The following ASAP1 variants were observed in gnomAD, a reference collection of about 807,000 sequenced individuals.
The protein encoded by ASAP1 is arf-GAP with SH3 domain, ANK repeat and PH domain-containing protein 1.
ASAP1 carries 43 observed loss-of-function variants against 145.2 expected under a neutral mutation model. That is an observed-to-expected ratio of 0.30 (90% CI 0.23 to 0.38). The LOEUF (loss-of-function observed/expected upper bound fraction) is 0.38. Among genes scored for constraint, ASAP1 ranks in the 10% least tolerant of loss-of-function variants. The pLI is 1.00. For synonymous variants in ASAP1, 546 were observed against 515.5 expected (o/e 1.06, Z -0.80); for missense variants, 1,018 against 1,355.3 (o/e 0.75, Z 3.91).
chr8:130,266,784 A>T (rs1000321125), intron 3 of ASAP1, among the ~76,000 whole-genome samples: 2 of 152,180 alleles, frequency 1.3e-5, no homozygotes, highest in African/African-American at 4.8e-5. Flanking sequence ...GAAAAGAACA[A>T]GACACTATGA....
At chr8:130,288,208 G>C (rs567782818) in intron 3 of ASAP1, among the ~76,000 whole-genome samples, 70 of 152,182 alleles carry the variant, frequency 4.6e-4, no homozygotes, top group Non-Finnish European at 7.6e-4. Flanking sequence ...TTTCATCTGT[G>C]GCTTTTTTCT....
At chr8:130,118,458 T>A (rs2097560019) in intron 19 of ASAP1, 31 bp downstream of exon 19, 1 of 1,578,074 alleles carries the variant, frequency 6.3e-7, no homozygotes, top group Non-Finnish European at 8.6e-7. Context: ...TCCACATTAC[T>A]TTTTATCCAA....
At chr8:130,390,570 G>A (rs116888250) in intron 2 of ASAP1, among the ~76,000 whole-genome samples, 47 of 152,320 alleles carry the variant, frequency 3.1e-4, no homozygotes, top group Non-Finnish European at 5.4e-4. Flanking sequence ...TCTGAGTGCC[G>A]TGAAGGCAGG....
At chr8:130,071,130 C>G (rs1266513106) in intron 27 of ASAP1, among the ~76,000 whole-genome samples, 1 of 151,542 alleles carries the variant, frequency 6.6e-6, no homozygotes, top group Non-Finnish European at 1.5e-5. Flanking sequence ...ACAGGAGTTG[C>G]TGGGACAGCA....
chr8:130,159,859 C>T lies in ASAP1; in HGVS notation c.1010+5G>A, dbSNP rs1213711156. 3.1e-6 allele frequency: 5 copies of T among 1,610,622 alleles called. No homozygotes were observed. The highest frequency in any genetic ancestry group is 4.5e-5 in the East Asian group (2 of 44,864). On this transcript the variant is annotated splice_donor_5th_base_variant and intron_variant, in intron 12 of 29. Coordinates refer to ENST00000518721, the MANE Select transcript of ASAP1 (RefSeq NM_018482.4). ...ACTGAGACACTGGGCTGGGCTCATA[C>T]ATACCCGTCACTTTTCTTTAGCAGG...
intron 3 of ASAP1, among the ~76,000 whole-genome samples, chr8:130,330,018 C>G (rs6470813): frequency 1.3e-5 from 2 of 152,122 alleles, no homozygotes; most frequent in African/African-American, 4.8e-5. Context: ...CAGGGAGAGA[C>G]AGTTGTAATC....
chr8:130,059,302 C>T (rs377322504), intron 28 of ASAP1, among the ~76,000 whole-genome samples: 45 of 151,946 alleles, frequency 3.0e-4, no homozygotes, highest in African/African-American at 1.0e-3. Flanking sequence ...TAGCTGGGAT[C>T]GCAGGCATGT....
chr8:130,074,212 T>G (rs2097456578), intron 27 of ASAP1, among the ~76,000 whole-genome samples: 1 of 152,044 alleles, frequency 6.6e-6, no homozygotes, highest in Non-Finnish European at 1.5e-5. Context: ...CATGATGAAT[T>G]TTTTGATGTA....
chr8:130,115,663 C>T lies in ASAP1; in HGVS notation c.2137G>A (p.Glu713Lys). The change falls in exon 23 of 30, where the codon GAG (glutamate) becomes AAG (lysine). Residue 713 changes from glutamate to lysine, a missense_variant. By Grantham distance (56) the Glu-to-Lys change is moderately conservative (BLOSUM62 1). Transcript: ENST00000518721. ...AGATCATCATCGCTCTCATCTATCT[C>T]CTCCTGTCGAAGATTCCACTCATAT... ...VEYEWNLRQE[E>K]IDESDDDLDD... 1 of 1,614,084 alleles carries T rather than the reference C, an allele frequency of 6.2e-7. No homozygotes were observed. Among genetic ancestry groups the T allele is most frequent in the Non-Finnish European group, 8.5e-7 (1 of 1,179,928 alleles).
Position 130,193,229 on chromosome 8 carries a change from C to G in ASAP1, c.406-5046G>C, listed in dbSNP as rs1586563660. Among the ~76,000 whole-genome samples the G allele has an allele frequency of 2.0e-5, 3 of 151,990 alleles. No homozygotes were observed. The South Asian group carries it at 6.2e-4, about 31-fold the overall frequency. ...ACTAAAAATACAAAAATTAGCCAGG[C>G]ATGGTGGCACACATCTATAATCCCA... On this transcript the variant is annotated intron_variant, in intron 5 of 29. Transcript: ENST00000518721.
chr8:130,160,009 C>A (rs752792698), intron 11 of ASAP1, 45 bp from the exon 12 acceptor site: 1 of 1,515,460 alleles, frequency 6.6e-7, no homozygotes, highest in South Asian at 1.1e-5. Flanking sequence ...AGAGACAATT[C>A]TCCCATCTTT....
intron 3 of ASAP1, among the ~76,000 whole-genome samples, chr8:130,302,023 A>G (rs936346345): frequency 1.3e-5 from 2 of 152,230 alleles, no homozygotes; most frequent in African/African-American, 4.8e-5. Context: ...CTCAACTACT[A>G]ATATTCTCTG....
At chr8:130,295,658 G>A (rs917292900) in intron 3 of ASAP1, among the ~76,000 whole-genome samples, 1 of 152,214 alleles carries the variant, frequency 6.6e-6, no homozygotes, top group Admixed American at 6.5e-5. Flanking sequence ...TTTGCAGAAA[G>A]CTTTTACCAT....
intron 3 of ASAP1, among the ~76,000 whole-genome samples, chr8:130,336,101 G>A (rs923216596): frequency 1.3e-4 from 20 of 152,128 alleles, no homozygotes; most frequent in Admixed American, 9.2e-4. Context: ...CTGGGATTAA[G>A]ATAATGCAAA....
chr8:130,320,800 A>G (rs570999018), intron 3 of ASAP1, among the ~76,000 whole-genome samples: 32 of 152,270 alleles, frequency 2.1e-4, no homozygotes, highest in African/African-American at 6.7e-4. Flanking sequence ...ACCAATGGAA[A>G]AGAGTAAAAT....
At chr8:130,160,060 C>G (rs2136015624) in intron 11 of ASAP1, 96 bp from the exon 12 acceptor site, 1 of 1,038,864 alleles carries the variant, frequency 9.6e-7, no homozygotes, top group South Asian at 1.3e-5. Flanking sequence ...TGGTCTGGGT[C>G]TAAGGGAATT....
intron 4 of ASAP1, among the ~76,000 whole-genome samples, chr8:130,224,553 A>G (rs1462574560): frequency 6.6e-6 from 1 of 152,190 alleles, no homozygotes; most frequent in Non-Finnish European, 1.5e-5. Context: ...ATACACACAC[A>G]TACAGACACA....
chr8:130,313,925 C>T (rs1823510969), intron 3 of ASAP1, among the ~76,000 whole-genome samples: 1 of 152,240 alleles, frequency 6.6e-6, no homozygotes, highest in Admixed American at 6.5e-5. Flanking sequence ...CCCACTTCAG[C>T]TCAGCCCTGC....
At chr8:130,136,525 C>T (rs978235009) in intron 14 of ASAP1, among the ~76,000 whole-genome samples, 68 of 150,022 alleles carry the variant, frequency 4.5e-4, no homozygotes, top group Non-Finnish European at 3.1e-4. Flanking sequence ...ATCCGTGCTT[C>T]TTAACCACAG....
Sources: allele counts gnomAD v4.1 joint callset (sites outside exome capture counted in the v4.1 genomes callset), GRCh38; gene constraint gnomAD v4.1.1; transcripts MANE v1.5; gene names NCBI Gene and HGNC (gene_info 2026-07-23, HGNC 2026-07-21).